The following SHANK2 variants were observed in gnomAD, a reference collection of about 807,000 sequenced individuals.
The protein encoded by SHANK2 is SH3 and multiple ankyrin repeat domains 2.
In SHANK2, 43 loss-of-function variants were observed where a neutral mutation model predicts 133.7. The ratio of observed to expected loss-of-function variants is 0.32; its 90% confidence interval spans 0.25 to 0.41. SHANK2 has a LOEUF of 0.41. SHANK2 is among the 10% of genes least tolerant of loss of function. The pLI is 1.00. For missense variants in SHANK2, 1,994 were observed against 2,235.8 expected (o/e 0.89, Z 2.18); for synonymous variants, 1,017 against 952.8 (o/e 1.07, Z -1.24).
intron 14 of SHANK2, among the ~76,000 whole-genome samples, chr11:70,716,896 C>A (rs1591780229): frequency 6.8e-5 from 2 of 29,202 alleles, no homozygotes; most frequent in African/African-American, 4.2e-4. Flanking sequence ...GGTCCCGGAG[C>A]CCCCCCCCCG....
At chr11:71,167,486 C>G (rs536758569) in intron 2 of SHANK2, among the ~76,000 whole-genome samples, 2 of 135,116 alleles carry the variant, frequency 1.5e-5, no homozygotes, top group East Asian at 4.6e-4. Flanking sequence ...CCAGTAGGGG[C>G]GGCCGGGCAG....
intron 12 of SHANK2, among the ~76,000 whole-genome samples, chr11:70,820,045 T>G (rs1336128433): frequency 6.6e-6 from 1 of 151,904 alleles, no homozygotes; most frequent in African/African-American, 2.4e-5. Flanking sequence ...GACCAAGAAG[T>G]CAGTACACAA....
rs1950268936 is a variant in SHANK2, at chr11:70,916,356, ACAGTACC to A, written c.1108-19796_1108-19790del. ...GCAGCAGAGTGGGAGGCAGCATAGA[ACAGTACC>A]CCTCGCCAACCCGGCTGGCCATCAC... On this transcript the variant is annotated intron_variant, in intron 10 of 25. Coordinates refer to ENST00000601538, the MANE Select transcript of SHANK2 (RefSeq NM_012309.5). Among the ~76,000 whole-genome samples the A allele has an allele frequency of 2.6e-5, 4 of 152,266 alleles. No individual in the cohort carries two copies. In the South Asian group the frequency reaches 8.3e-4, roughly 32 times the overall value.
chr11:70,635,253 C>G (rs2061056935), intron 17 of SHANK2: 1 of 152,210 alleles, frequency 6.6e-6, no homozygotes, highest in African/African-American at 2.4e-5. Flanking sequence ...ATCTGCACAC[C>G]CGCGTTCACG....
At chr11:71,207,496 T>G (rs1473556033) in intron 2 of SHANK2, among the ~76,000 whole-genome samples, 2 of 152,164 alleles carry the variant, frequency 1.3e-5, no homozygotes, top group African/African-American at 4.8e-5. Flanking sequence ...AAATTTTATT[T>G]CTAACAGTCT....
At chr11:70,941,049 A>G (rs1481116568) in intron 10 of SHANK2, among the ~76,000 whole-genome samples, 1 of 152,210 alleles carries the variant, frequency 6.6e-6, no homozygotes, top group African/African-American at 2.4e-5. Flanking sequence ...AGAGGGGCTG[A>G]TGGAAAACAA....
chr11:70,641,819 TG>T (rs1565206441), intron 17 of SHANK2, among the ~76,000 whole-genome samples: 1 of 152,166 alleles, frequency 6.6e-6, no homozygotes, highest in Non-Finnish European at 1.5e-5. Flanking sequence ...ATGTCTAAAA[TG>T]GGTGCAGTTC....
chr11:70,659,139 C>G (rs2061448328), intron 17 of SHANK2, among the ~76,000 whole-genome samples: 1 of 152,196 alleles, frequency 6.6e-6, no homozygotes, highest in Non-Finnish European at 1.5e-5. Context: ...ACCCCTCGCA[C>G]ACACCAACGT....
intron 17 of SHANK2, among the ~76,000 whole-genome samples, chr11:70,536,542 A>T (rs1207452550): frequency 6.6e-6 from 1 of 152,096 alleles, no homozygotes; most frequent in Non-Finnish European, 1.5e-5. Flanking sequence ...GTCTGCACCC[A>T]CATGGCTGCG....
In SHANK2 at chr11:70,753,811, A is replaced by ACTGTGTGTGTGTGTGT. The variant is rs71049937; in HGVS notation, c.1777+44631_1777+44632insACACACACACACACAG. ...TGTCTTACATCTATTAAAGATATTA[A>ACTGTGTGTGTGTGTGT]GTGTGTGTGTGTGTGTTTGAGACAG... is the stretch of plus-strand genomic sequence containing the variant. On this transcript the variant is annotated intron_variant, in intron 14 of 25. Transcript: ENST00000601538. Among the ~76,000 whole-genome samples the ACTGTGTGTGTGTGTGT allele has an allele frequency of 3.9e-4, 56 of 144,802 alleles. 3 individuals are homozygous for ACTGTGTGTGTGTGTGT. Among genetic ancestry groups the ACTGTGTGTGTGTGTGT allele is most frequent in the African/African-American group, 5.5e-4 (21 of 38,264 alleles). 95.0% of individuals were successfully genotyped at this position (144,802 alleles called of 152,430 possible). A position where few individuals can be genotyped will look rare whatever the true frequency, so the allele number is the denominator to read the frequency against.
At chr11:70,741,793 A>G (rs1946533108) in intron 14 of SHANK2, among the ~76,000 whole-genome samples, 1 of 152,252 alleles carries the variant, frequency 6.6e-6, no homozygotes, top group African/African-American at 2.4e-5. Context: ...TCACACGTCC[A>G]TAAGGGACCA....
intron 13 of SHANK2, among the ~76,000 whole-genome samples, chr11:70,802,865 C>T (rs1355519033): frequency 6.6e-6 from 1 of 152,202 alleles, no homozygotes; most frequent in African/African-American, 2.4e-5. Context: ...CAGGGTCAAT[C>T]ATCACTGCTT....
chr11:70,519,012 C>T (rs1164280492), intron 17 of SHANK2, among the ~76,000 whole-genome samples: 4 of 152,098 alleles, frequency 2.6e-5, no homozygotes, highest in Admixed American at 1.3e-4. Context: ...TGGGCTCAAG[C>T]GATCCTCCCA....
chr11:70,627,999 G>A (rs12275600), intron 17 of SHANK2, among the ~76,000 whole-genome samples: 1,914 of 152,124 alleles, frequency 0.013, 37 homozygotes, highest in African/African-American at 0.044. Flanking sequence ...TCGCTCTGTC[G>A]CCCAGGCTGG....
chr11:70,914,436 T>C (rs1159430946), intron 10 of SHANK2, among the ~76,000 whole-genome samples: 1 of 151,722 alleles, frequency 6.6e-6, no homozygotes, highest in East Asian at 1.9e-4. Context: ...TTCCCGGGAA[T>C]ACAGAGAGAA....
chr11:70,863,397 G>C (rs1949293584), intron 11 of SHANK2: 1 of 457,924 alleles, frequency 2.2e-6, no homozygotes, highest in Non-Finnish European at 4.4e-6. Flanking sequence ...GCCCTGTCTG[G>C]ACGAGCCCCA....
chr11:71,213,630 T>C (rs1386582279), intron 2 of SHANK2, among the ~76,000 whole-genome samples: 1 of 152,138 alleles, frequency 6.6e-6, no homozygotes, highest in Non-Finnish European at 1.5e-5. Context: ...CTCCTTCTGA[T>C]GTTCCCCACA....
At chr11:71,205,547 T>C (rs1181767551) in intron 2 of SHANK2, among the ~76,000 whole-genome samples, 1 of 152,200 alleles carries the variant, frequency 6.6e-6, no homozygotes, top group Admixed American at 6.5e-5. Flanking sequence ...CCCTTCAGCC[T>C]CCTTCCCCAG....
intron 15 of SHANK2, 79 bp from the exon 16 acceptor site, chr11:70,661,757 TTCA>T: frequency 6.2e-7 from 1 of 1,614,018 alleles, no homozygotes; most frequent in South Asian, 1.1e-5. Flanking sequence ...GCCGGGGACG[TTCA>T]TCATCATAGC....
Sources: gnomAD v4.1 joint callset for allele counts (sites outside exome capture counted in the v4.1 genomes callset) on GRCh38, gnomAD v4.1.1 for gene constraint, MANE v1.5 for transcripts, NCBI Gene and HGNC (gene_info 2026-07-23, HGNC 2026-07-21) for gene names.